The following RASGRF2 variants were observed in gnomAD, a reference collection of about 807,000 sequenced individuals.
RASGRF2 encodes the protein ras-specific guanine nucleotide-releasing factor 2.
RASGRF2 carries 76 observed loss-of-function variants against 151.0 expected under a neutral mutation model. That is an observed-to-expected ratio of 0.50 (90% CI 0.42 to 0.61). The LOEUF (loss-of-function observed/expected upper bound fraction) is 0.61, where lower values mean the gene tolerates loss of function less well. RASGRF2 is among the 20% of genes least tolerant of loss of function. The pLI is 0.00. For missense variants in RASGRF2, 1,148 were observed against 1,564.6 expected (o/e 0.73, Z 4.49); for synonymous variants, 504 against 566.5 (o/e 0.89, Z 1.57).
chr5:81,033,045 C>T (rs1325508112), intron 1 of RASGRF2, among the ~76,000 whole-genome samples: 1 of 151,668 alleles, frequency 6.6e-6, no homozygotes, highest in Non-Finnish European at 1.5e-5. Flanking sequence ...CTCCCATTCA[C>T]AATTGCTTCA....
intron 4 of RASGRF2, among the ~76,000 whole-genome samples, chr5:81,072,496 A>G (rs996613177): frequency 6.6e-6 from 1 of 152,246 alleles, no homozygotes; most frequent in Non-Finnish European, 1.5e-5. Context: ...ACTTTCAATT[A>G]TATGTGAATT....
chr5:81,225,611 T>C, intron 26 of RASGRF2, 67 bp from the exon 27 acceptor site: 1 of 1,570,644 alleles, frequency 6.4e-7, no homozygotes, highest in Admixed American at 2.0e-5. Context: ...TGTGTTAGAT[T>C]CCGTCAGAAA....
intron 18 of RASGRF2, among the ~76,000 whole-genome samples, chr5:81,186,393 C>T (rs1755026574): frequency 6.6e-6 from 1 of 152,148 alleles, no homozygotes; most frequent in Non-Finnish European, 1.5e-5. Context: ...TTCCCATTGA[C>T]ATTATGAGCT....
chr5:81,217,804 G>A (rs1399716463), intron 25 of RASGRF2, among the ~76,000 whole-genome samples: 5 of 149,980 alleles, frequency 3.3e-5, no homozygotes, highest in Admixed American at 6.7e-5. Context: ...GTGCAGTGGC[G>A]CAATCTCGGC....
intron 23 of RASGRF2, among the ~76,000 whole-genome samples, chr5:81,212,988 T>C (rs1580411118): frequency 1.3e-5 from 2 of 152,338 alleles, no homozygotes; most frequent in East Asian, 3.9e-4. Context: ...TGTAAAGTTT[T>C]GGCATAATAA....
At chr5:80,968,212 G>A (rs1481037990) in intron 1 of RASGRF2, among the ~76,000 whole-genome samples, 1 of 152,180 alleles carries the variant, frequency 6.6e-6, no homozygotes, top group Non-Finnish European at 1.5e-5. Context: ...GGATGACTTA[G>A]AAAGTATTTT....
intron 1 of RASGRF2, among the ~76,000 whole-genome samples, chr5:80,992,557 G>A (rs533050984): frequency 6.6e-6 from 1 of 152,290 alleles, no homozygotes; most frequent in Admixed American, 6.5e-5. Context: ...CTGACAAACA[G>A]AAAACAGTTG....
intron 1 of RASGRF2, among the ~76,000 whole-genome samples, chr5:81,006,339 A>G (rs1749269552): frequency 6.6e-6 from 1 of 152,172 alleles, no homozygotes; most frequent in South Asian, 2.1e-4. Context: ...TTCACTTAAT[A>G]TGCTTCTAAC....
intron 1 of RASGRF2, among the ~76,000 whole-genome samples, chr5:81,027,367 T>A (rs1255798976): frequency 6.6e-6 from 1 of 152,220 alleles, no homozygotes; most frequent in Non-Finnish European, 1.5e-5. Context: ...GTACTTTCTG[T>A]TCAGTTTTTC....
At chr5:80,996,383 A>G (rs1474782731) in intron 1 of RASGRF2, among the ~76,000 whole-genome samples, 1 of 152,130 alleles carries the variant, frequency 6.6e-6, no homozygotes, top group Non-Finnish European at 1.5e-5. Flanking sequence ...ATTACAAAAT[A>G]GCTCAAATAG....
At chr5:81,123,478 C>A (rs1753366789) in intron 15 of RASGRF2, among the ~76,000 whole-genome samples, 164 bp from the exon 16 acceptor site, 1 of 152,118 alleles carries the variant, frequency 6.6e-6, no homozygotes, top group Non-Finnish European at 1.5e-5. Context: ...TAGAGAAGAT[C>A]CTTTTTTAGA....
chr5:81,218,548 T>C (rs534932758), intron 25 of RASGRF2, among the ~76,000 whole-genome samples: 39 of 152,350 alleles, frequency 2.6e-4, no homozygotes, highest in African/African-American at 9.1e-4. Context: ...TTCTGTTCCA[T>C]TGGTCTACAT....
intron 18 of RASGRF2, among the ~76,000 whole-genome samples, chr5:81,195,575 T>C (rs531881968): frequency 5.0e-5 from 2 of 39,906 alleles, no homozygotes; most frequent in Admixed American, 2.3e-4. Flanking sequence ...TTTTGTGACC[T>C]TTTTTTTTTT....
intron 17 of RASGRF2, among the ~76,000 whole-genome samples, chr5:81,140,235 T>G (rs947542826): frequency 7.9e-5 from 12 of 152,240 alleles, no homozygotes; most frequent in African/African-American, 2.7e-4. Flanking sequence ...TTCATCTACT[T>G]GTTCTTTCAC....
intron 17 of RASGRF2, among the ~76,000 whole-genome samples, chr5:81,136,417 C>A (rs1018831221): frequency 1.3e-5 from 2 of 152,054 alleles, no homozygotes; most frequent in African/African-American, 4.8e-5. Context: ...GAACATAGAA[C>A]TCTAGCTTGG....
chr5:81,079,193 G>A (rs2112475194), intron 5 of RASGRF2, among the ~76,000 whole-genome samples: 1 of 152,322 alleles, frequency 6.6e-6, no homozygotes, highest in South Asian at 2.1e-4. Flanking sequence ...CACCTAGAAG[G>A]AGGATGGAAT....
intron 1 of RASGRF2, among the ~76,000 whole-genome samples, chr5:80,975,643 G>T (rs1028463370): frequency 5.9e-5 from 9 of 152,070 alleles, no homozygotes; most frequent in Non-Finnish European, 7.4e-5. Context: ...ATATCATTTT[G>T]TAGTCATAAG....
intron 1 of RASGRF2, among the ~76,000 whole-genome samples, chr5:81,022,740 G>T (rs1442397367): frequency 6.6e-6 from 1 of 152,106 alleles, no homozygotes; most frequent in African/African-American, 2.4e-5. Flanking sequence ...TGGGAGAGGG[G>T]GGCACTAGCT....
At chr5:81,067,968 T>C in intron 2 of RASGRF2, 64 bp from the exon 3 acceptor site, 1 of 1,304,406 alleles carries the variant, frequency 7.7e-7, no homozygotes, top group African/African-American at 1.5e-5. Context: ...CATATTATAT[T>C]CTATATGGAA....
Sources: gnomAD v4.1 joint callset for allele counts (sites outside exome capture counted in the v4.1 genomes callset) on GRCh38, gnomAD v4.1.1 for gene constraint, MANE v1.5 for transcripts, NCBI Gene and HGNC (gene_info 2026-07-23, HGNC 2026-07-21) for gene names.